CDH15: variants seen among roughly 807,000 people sequenced by gnomAD.
The protein encoded by CDH15 is cadherin 15, also known as cadherin-15.
Under a neutral mutation model 69.4 loss-of-function variants are expected in CDH15, and 73 were observed. That is an observed-to-expected ratio of 1.05 (90% CI 0.87 to 1.28). CDH15 has a LOEUF of 1.28. Ranked by LOEUF, CDH15 falls within the 50% of genes most tolerant of loss-of-function variation. The probability of loss-of-function intolerance (pLI) is 0.00; values close to 1 mark genes in which losing one functional copy is unlikely to be tolerated. For missense variants in CDH15, 1,343 were observed against 1,133.6 expected (o/e 1.18, Z -2.65); for synonymous variants, 624 against 507.7 (o/e 1.23, Z -3.08).
chr16:89,188,415 C>T, intron 7 of CDH15, 130 bp downstream of exon 7: 1 of 665,452 alleles, frequency 1.5e-6, no homozygotes, highest in East Asian at 2.9e-5. Context: ...TGCCGGCACA[C>T]ACAGATGCCC....
chr16:89,184,250 G>A (rs1258615655), intron 4 of CDH15, among the ~76,000 whole-genome samples: 1 of 152,118 alleles, frequency 6.6e-6, no homozygotes, highest in African/African-American at 2.4e-5. Flanking sequence ...TGTGGCAGTG[G>A]CCTCCGCGCC....
chr16:89,178,577 C>T (rs1415176050), intron 1 of CDH15, among the ~76,000 whole-genome samples: 1 of 149,092 alleles, frequency 6.7e-6, no homozygotes, highest in East Asian at 2.0e-4. Context: ...CCCACCGAGG[C>T]AGCCCTGGCC....
At chr16:89,183,522 C>G in intron 3 of CDH15, 26 bp from the exon 4 acceptor site, 1 of 1,613,838 alleles carries the variant, frequency 6.2e-7, no homozygotes, top group Non-Finnish European at 8.5e-7. Context: ...GGCCACAGAG[C>G]CAGCCCTTGC....
intron 7 of CDH15, among the ~76,000 whole-genome samples, chr16:89,188,743 GGCACACACAGATGC>G (rs1915557733): frequency 1.2e-5 from 1 of 85,142 alleles, no homozygotes; most frequent in Admixed American, 1.4e-4. Flanking sequence ...CACAGATGCC[GGCACACACAGATGC>G]CCACACACAG....
chr16:89,187,366 T>C, intron 5 of CDH15, 63 bp from the exon 6 acceptor site: 1 of 1,602,596 alleles, frequency 6.2e-7, no homozygotes, highest in Non-Finnish European at 8.5e-7. Context: ...CTCCCACCCC[T>C]GACCAGTCCC....
In CDH15 at chr16:89,190,255, G is replaced by T; in HGVS notation, c.991G>T (p.Glu331Ter). 1 of 1,612,588 alleles carries T rather than the reference G, an allele frequency of 6.2e-7. No homozygotes were observed. Among genetic ancestry groups the T allele is most frequent in the African/African-American group, 1.3e-5 (1 of 75,062 alleles). The change falls in exon 8 of 14, where the codon GAG becomes TAG. Residue 331 changes from glutamate (E) to a stop codon, truncating the protein, a stop_gained. Coordinates refer to ENST00000289746, the MANE Select transcript of CDH15 (RefSeq NM_004933.3). LOFTEE classifies it high-confidence loss of function. ...TTCCTTCCCTCAGGCCCTGGACTAT[G>T]AGAGCTGTGAACACTACGAACTCAA... Reference protein sequence around the residue: ...VLSIVKALDYESCEHYELKVS... With the variant: ...VLSIVKALDY
intron 5 of CDH15, among the ~76,000 whole-genome samples, chr16:89,186,432 C>G (rs1417282263): frequency 7.4e-6 from 1 of 134,440 alleles, no homozygotes; most frequent in Admixed American, 7.2e-5. Flanking sequence ...AGTAGGTGCT[C>G]TGTAAAGGCT....
At chr16:89,181,605 C>T (rs1915378112) in intron 3 of CDH15, among the ~76,000 whole-genome samples, 2 of 151,692 alleles carry the variant, frequency 1.3e-5, no homozygotes, top group Admixed American at 6.6e-5. Context: ...CCGCTGCGCT[C>T]CAGCCTAGGT....
chr16:89,186,955 C>T (rs1383275365), intron 5 of CDH15, among the ~76,000 whole-genome samples: 16 of 147,272 alleles, frequency 1.1e-4, no homozygotes, highest in South Asian at 2.2e-4. Context: ...GCTCTGTAAA[C>T]GCTTACCCAG....
chr16:89,172,176 G>A (rs1236764658), intron 1 of CDH15, among the ~76,000 whole-genome samples: 1 of 152,142 alleles, frequency 6.6e-6, no homozygotes, highest in African/African-American at 2.4e-5. Flanking sequence ...TGGAGGAACC[G>A]CTGCCGGGGT....
Position 89,179,532 on chromosome 16 carries a change from C to T in CDH15, c.159C>T (p.Ser53=), listed in dbSNP as rs1406841493. ...VRRAWVIPPI[S]VSENHKRLPY... is the part of the protein sequence containing the mutation. ...GGGCCTGGGTCATCCCCCCGATCAG[C>T]GTATCCGAGAACCACAAGCGTCTCC... Residue 53 remains serine (S), a synonymous_variant, in exon 2 of 14, where the codon AGC becomes AGT. Transcript: ENST00000289746. 4 of 1,610,788 alleles carry T rather than the reference C, an allele frequency of 2.5e-6. No individual in the cohort carries two copies. The highest frequency in any genetic ancestry group is 1.1e-5 in the South Asian group (1 of 90,910).
rs777022167 is a variant in CDH15, at chr16:89,179,489, C to T, written c.116C>T (p.Ala39Val). 3 of 1,613,378 alleles carry T rather than the reference C, an allele frequency of 1.9e-6. No homozygotes were observed. Among genetic ancestry groups the T allele is most frequent in the Non-Finnish European group, 1.7e-6 (2 of 1,179,910 alleles). Residue 39 changes from alanine to valine, a missense_variant, in exon 2 of 14, where the codon GCC becomes GTC. Physicochemically the swap from Ala to Val is moderately conservative, Grantham distance 64. Coordinates refer to ENST00000289746, the MANE Select transcript of CDH15 (RefSeq NM_004933.3). ...TTLYPWRRAP[A>V]LSRVRRAWVI... ...CTGTACCCCTGGCGCCGGGCGCCTG[C>T]CCTGAGCCGCGTGCGGAGGGCCTGG...
intron 4 of CDH15, among the ~76,000 whole-genome samples, chr16:89,184,557 C>T (rs1216807007): frequency 6.6e-6 from 1 of 152,234 alleles, no homozygotes; most frequent in Non-Finnish European, 1.5e-5. Context: ...AGTGCGCGTC[C>T]TCTGCTCGGC....
chr16:89,183,500 C>T, intron 3 of CDH15, 48 bp from the exon 4 acceptor site: 1 of 1,612,674 alleles, frequency 6.2e-7, no homozygotes, highest in South Asian at 1.1e-5. Context: ...ACGGGAGCCA[C>T]AGAAATTTGG....
intron 7 of CDH15, among the ~76,000 whole-genome samples, chr16:89,189,254 CCCACACACATGCCCACACACAG>C (rs1915581506): frequency 7.1e-6 from 1 of 141,314 alleles, no homozygotes; most frequent in Non-Finnish European, 1.6e-5. Flanking sequence ...CACACAGATG[CCCACACACATGCCCACACACAG>C]ATGCCGGCAC....
intron 1 of CDH15, 52 bp downstream of exon 1, chr16:89,171,925 G>T (rs1270422969): frequency 2.0e-6 from 3 of 1,512,406 alleles, no homozygotes; most frequent in Admixed American, 3.9e-5. Flanking sequence ...GACGCTGCGG[G>T]ACAGTGTCTT....
In CDH15 at chr16:89,171,837, C is replaced by T; in HGVS notation, c.6C>T (p.Asp2=). Residue 2 remains aspartate (D), a synonymous_variant, in exon 1 of 14, where the codon GAC becomes GAT. Coordinates refer to ENST00000289746, the MANE Select transcript of CDH15 (RefSeq NM_004933.3). M[D]AAFLLVLGLL... is the part of the protein sequence containing the mutation. Reference sequence around the variant, plus strand: ...CGGCTCCCGCCTCGGCCCCGATGGACGCCGCGTTCCTCCTCGTCCTCGGGC... The same window carrying T: ...CGGCTCCCGCCTCGGCCCCGATGGATGCCGCGTTCCTCCTCGTCCTCGGGC... The T allele has an allele frequency of 1.3e-6, 2 of 1,558,768 alleles. No homozygotes were observed. Among genetic ancestry groups the T allele is most frequent in the Admixed American group, 1.9e-5 (1 of 53,208 alleles).
At chr16:89,188,454 CGG>C (rs757089442) in intron 7 of CDH15, among the ~76,000 whole-genome samples, 169 bp downstream of exon 7, 1,236 of 115,848 alleles carry the variant, frequency 0.011, 1 homozygote, top group Middle Eastern at 0.021. Flanking sequence ...ACACACATGC[CGG>C]CACACACAGA....
chr16:89,179,510 C>T lies in CDH15; in HGVS notation c.137C>T (p.Ala46Val). ...RAPALSRVRR[A>V]WVIPPISVSE... ...CCTGCCCTGAGCCGCGTGCGGAGGGCCTGGGTCATCCCCCCGATCAGCGTA... is the reference window on the plus strand; with the variant it reads ...CCTGCCCTGAGCCGCGTGCGGAGGGTCTGGGTCATCCCCCCGATCAGCGTA... Residue 46 changes from alanine to valine, a missense_variant, in exon 2 of 14, where the codon GCC becomes GTC. Transcript: ENST00000289746. The T allele has an allele frequency of 1.9e-6, 3 of 1,613,012 alleles. No individual in the cohort carries two copies. The highest frequency in any genetic ancestry group is 2.5e-6 in the Non-Finnish European group (3 of 1,179,624).
Sources: gnomAD v4.1 joint callset for allele counts (sites outside exome capture counted in the v4.1 genomes callset) on GRCh38, gnomAD v4.1.1 for gene constraint, MANE v1.5 for transcripts, NCBI Gene and HGNC (gene_info 2026-07-23, HGNC 2026-07-21) for gene names.